Variants in ANKS1B observed in about 807,000 individuals in gnomAD.
ANKS1B encodes the protein ankyrin repeat and sterile alpha motif domain containing 1B.
ANKS1B carries 36 observed loss-of-function variants against 148.3 expected under a neutral mutation model. The ratio of observed to expected loss-of-function variants is 0.24; its 90% CI spans 0.19 to 0.32. The LOEUF is 0.32. Among genes scored for constraint, ANKS1B ranks in the 10% least tolerant of loss-of-function variants. ANKS1B has a pLI of 1.00. For missense variants in ANKS1B, 1,157 were observed against 1,542.6 expected (o/e 0.75, Z 4.19); for synonymous variants, 542 against 560.8 (o/e 0.97, Z 0.47).
chr12:99,640,208 A>G lies in ANKS1B; in HGVS notation c.1272+14859T>C, dbSNP rs547372517. The stretch of plus-strand genomic sequence containing the variant: ...ATAACTTAATTAATTAAAATAAAAT[A>G]AAATTAGACAAAAACGATCATACAA... On this transcript the variant is annotated intron_variant, in intron 9 of 26. Coordinates refer to ENST00000683438, the MANE Select transcript of ANKS1B (RefSeq NM_001352186.2). 2.6e-4 allele frequency among the ~76,000 whole-genome samples: 39 copies of G among 152,230 alleles called. No individual in the cohort carries two copies. In the South Asian group the frequency reaches 7.3e-3, roughly 28 times the overall value.
At chr12:99,698,971 TGG>T (rs398020817) in intron 8 of ANKS1B, among the ~76,000 whole-genome samples, 35,278 of 151,068 alleles carry the variant, frequency 0.23, 4,201 homozygotes, top group African/African-American at 0.28. Context: ...TGTGTGTGTG[TGG>T]GTGTGCACGC....
intron 17 of ANKS1B, among the ~76,000 whole-genome samples, chr12:98,912,267 C>T (rs960929040): frequency 1.3e-5 from 2 of 152,166 alleles, no homozygotes. Context: ...AGTGTCTGTT[C>T]TTCATCACGA....
At position 99,655,123 on chromosome 12, in the gene ANKS1B, C is replaced by T. The variant is rs2098443869; in HGVS notation, c.1216G>A (p.Glu406Lys). The part of the protein sequence containing the change: ...ENTCGPSGLW[E>K]ALTPCNGCRN... Reference sequence around the variant, plus strand: ...CATCCATTACACGGAGTTAATGCTTCCCAAAGTCCTGATGGCCCACACGTA... The same window carrying T: ...CATCCATTACACGGAGTTAATGCTTTCCAAAGTCCTGATGGCCCACACGTA... The change falls in exon 9 of 27, where the codon GAA (glutamate) becomes AAA (lysine). Residue 406 changes from glutamate (E) to lysine (K), a missense_variant. Transcript: ENST00000683438. 1 of 1,612,672 alleles carries T rather than the reference C, an allele frequency of 6.2e-7. No homozygotes were observed. Among genetic ancestry groups the T allele is most frequent in the East Asian group, 2.2e-5 (1 of 44,846 alleles).
intron 1 of ANKS1B, among the ~76,000 whole-genome samples, chr12:99,892,065 A>G (rs1240002606): frequency 2.6e-5 from 4 of 152,112 alleles, no homozygotes; most frequent in Admixed American, 2.0e-4. Context: ...GTGCAGTGGC[A>G]TGATCTCGGC....
chr12:99,502,681 G>A (rs555604731), intron 10 of ANKS1B, among the ~76,000 whole-genome samples: 4 of 152,186 alleles, frequency 2.6e-5, no homozygotes, highest in African/African-American at 9.6e-5. Flanking sequence ...TCTAAAATGA[G>A]AATAATGATA....
intron 15 of ANKS1B, among the ~76,000 whole-genome samples, chr12:99,100,085 T>C (rs1444768760): frequency 1.3e-5 from 2 of 152,186 alleles, no homozygotes; most frequent in Non-Finnish European, 2.9e-5. Flanking sequence ...GACTTAAGAA[T>C]AGCTTACCAT....
chr12:99,109,767 C>T (rs116115360), intron 15 of ANKS1B, among the ~76,000 whole-genome samples: 1,558 of 152,310 alleles, frequency 0.01, 28 homozygotes, highest in African/African-American at 0.035. Context: ...ACTTACCCAA[C>T]ATACTATGTC....
intron 9 of ANKS1B, among the ~76,000 whole-genome samples, chr12:99,647,033 T>C (rs1211640470): frequency 1.3e-5 from 2 of 151,218 alleles, no homozygotes; most frequent in East Asian, 3.9e-4. Flanking sequence ...TTTCCCCTGG[T>C]AACAGAAATA....
intron 9 of ANKS1B, chr12:99,649,422 C>G (rs186326433): frequency 2.2e-5 from 35 of 1,577,612 alleles, no homozygotes; most frequent in Admixed American, 1.8e-4. Context: ...CCCACATATA[C>G]TACGTTCAAG....
At chr12:99,531,600 G>A (rs76999067) in intron 9 of ANKS1B, among the ~76,000 whole-genome samples, 1,832 of 152,172 alleles carry the variant, frequency 0.012, 43 homozygotes, top group African/African-American at 0.041. Flanking sequence ...TTCTTTATCC[G>A]GTCATCAGTT....
intron 8 of ANKS1B, among the ~76,000 whole-genome samples, chr12:99,686,835 T>C (rs2098652201): frequency 6.6e-6 from 1 of 152,162 alleles, no homozygotes; most frequent in Non-Finnish European, 1.5e-5. Context: ...CATTTTATTA[T>C]TTTTACTGTA....
At chr12:99,100,603 C>T (rs905725643) in intron 15 of ANKS1B, among the ~76,000 whole-genome samples, 5 of 152,218 alleles carry the variant, frequency 3.3e-5, no homozygotes, top group Admixed American at 6.5e-5. Context: ...GATCTTGGCT[C>T]ATTGCAACCT....
At chr12:99,981,835 A>G (rs1163661410) in intron 1 of ANKS1B, among the ~76,000 whole-genome samples, 2 of 152,148 alleles carry the variant, frequency 1.3e-5, no homozygotes, top group East Asian at 3.8e-4. Context: ...GCGGGGAAAA[A>G]GTGCCAAACA....
Position 99,063,161 on chromosome 12 carries a change from G to A in ANKS1B, c.2626-9852C>T, listed in dbSNP as rs79103268. 4.3e-3 allele frequency among the ~76,000 whole-genome samples: 661 copies of A among 152,264 alleles called. 5 individuals carry two copies. The highest frequency in any genetic ancestry group is 1.0e-2 in the South Asian group (48 of 4,820). ...ACTTAAACTTGCCTAGGAAGCTGCC[G>A]TGGACCGTGGCTTCTCTTTTCCCAC... On this transcript the variant is annotated intron_variant, in intron 16 of 26. Transcript: ENST00000683438.
At chr12:99,196,605 T>G (rs1291374122) in intron 14 of ANKS1B, among the ~76,000 whole-genome samples, 2 of 152,040 alleles carry the variant, frequency 1.3e-5, no homozygotes, top group Non-Finnish European at 2.9e-5. Context: ...TGTTTGTTTT[T>G]GTTTTTTTTC....
At chr12:99,889,398 T>A (rs2092987426) in intron 1 of ANKS1B, among the ~76,000 whole-genome samples, 1 of 152,234 alleles carries the variant, frequency 6.6e-6, no homozygotes, top group African/African-American at 2.4e-5. Context: ...AGAACATTTA[T>A]ATCTCTAAGA....
chr12:99,950,676 T>C (rs533090547), intron 1 of ANKS1B, among the ~76,000 whole-genome samples: 3 of 152,292 alleles, frequency 2.0e-5, no homozygotes, highest in South Asian at 2.1e-4. Context: ...TTCATTTTTT[T>C]CCAAACATTC....
intron 9 of ANKS1B, among the ~76,000 whole-genome samples, chr12:99,629,913 G>T (rs2153395003): frequency 6.6e-6 from 1 of 152,090 alleles, no homozygotes; most frequent in Non-Finnish European, 1.5e-5. Context: ...ACTGACAAAA[G>T]GTACATACCT....
At chr12:99,453,206 T>C (rs934339627) in intron 10 of ANKS1B, among the ~76,000 whole-genome samples, 5 of 151,826 alleles carry the variant, frequency 3.3e-5, no homozygotes, top group South Asian at 2.1e-4. Context: ...AGGAGAATGG[T>C]GTGAACCCGG....
Sources: gnomAD v4.1 joint callset for allele counts (sites outside exome capture counted in the v4.1 genomes callset) on GRCh38, gnomAD v4.1.1 for gene constraint, MANE v1.5 for transcripts, NCBI Gene and HGNC (gene_info 2026-07-23, HGNC 2026-07-21) for gene names.